PLEKHA4: variants seen among roughly 807,000 people sequenced by gnomAD.
PLEKHA4 encodes pleckstrin homology domain-containing family A member 4.
Under a neutral mutation model 94.7 loss-of-function variants are expected in PLEKHA4, and 73 were observed. The ratio of observed to expected loss-of-function variants is 0.77; its 90% confidence interval spans 0.64 to 0.94. PLEKHA4 has a LOEUF of 0.94. PLEKHA4 is among the 40% of genes least tolerant of loss of function. The pLI is 0.00. For missense variants in PLEKHA4, 1,049 were observed against 1,054.1 expected (o/e 1.00, Z 0.07); for synonymous variants, 449 against 437.1 (o/e 1.03, Z -0.34).
In PLEKHA4 at chr19:48,842,143, CTTTT is replaced by C. The variant is rs398059794; in HGVS notation, c.1744-837_1744-834del. On this transcript the variant is annotated intron_variant, in intron 16 of 19. Coordinates refer to ENST00000263265, the MANE Select transcript of PLEKHA4 (RefSeq NM_020904.3). ...TTACCCTATGTTGTTAATTTATTTT[CTTTT>C]TTTTTTTTTTTTTTTGAGACAGAGT... Among the ~76,000 whole-genome samples the C allele has an allele frequency of 7.4e-3, 894 of 121,408 alleles. 2 individuals carry two copies. The highest frequency in any genetic ancestry group is 0.025 in the Middle Eastern group (6 of 240). The allele number at this position is 121,408 out of a possible 152,430, so 79.6% of individuals were successfully genotyped here.
chr19:48,840,066 C>A (rs2035702636), intron 17 of PLEKHA4, among the ~76,000 whole-genome samples: 1 of 151,852 alleles, frequency 6.6e-6, no homozygotes, highest in South Asian at 2.1e-4. Context: ...CGAGATTCCA[C>A]CACTATACTC....
At chr19:48,860,699 G>GGGGAGACTGAGGCA (rs2036602132) in intron 5 of PLEKHA4, among the ~76,000 whole-genome samples, 1 of 151,708 alleles carries the variant, frequency 6.6e-6, no homozygotes, top group Non-Finnish European at 1.5e-5. Flanking sequence ...CCCAGCTACC[G>GGGGAGACTGAGGCA]GGGAGACTGA....
At chr19:48,844,172 C>A (rs1362034714) in intron 16 of PLEKHA4, among the ~76,000 whole-genome samples, 1 of 134,864 alleles carries the variant, frequency 7.4e-6, no homozygotes, top group South Asian at 2.3e-4. Flanking sequence ...TTATTATTTT[C>A]GAGACAGAGT....
In PLEKHA4 at chr19:48,837,906, G is replaced by A; in HGVS notation, c.2077+111C>T. ...CCCTGCCCAACTCTTTACTCACCAA[G>A]ATAAAAAATTCTCACCGGCCCCCAG... On this transcript the variant is annotated intron_variant, in intron 19 of 19. Transcript: ENST00000263265. This position sits in a 1 kb window ranked among gnomAD's most constrained non-coding sequence, Gnocchi z 4.3. The A allele has an allele frequency of 1.2e-6, 1 of 868,072 alleles. No homozygotes were observed. The highest frequency in any genetic ancestry group is 1.8e-6 in the Non-Finnish European group (1 of 546,960). The allele number at this position is 868,072 out of a possible 1,614,324, so 53.8% of individuals were successfully genotyped here. A position where few individuals can be genotyped will look rare whatever the true frequency, so the allele number is the denominator to read the frequency against.
rs775741917 is a variant in PLEKHA4, at chr19:48,841,172, G to C, written c.1882C>G (p.Arg628Gly). 6.2e-7 allele frequency: 1 copy of C among 1,611,358 alleles called. No individual in the cohort carries two copies. The highest frequency in any genetic ancestry group is 1.1e-5 in the South Asian group (1 of 90,366). Reference protein sequence around the residue: ...TLGRTLSPARRQPDVEQRPVV... With the variant: ...TLGRTLSPARGQPDVEQRPVV... Reference sequence around the variant, plus strand: ...ACCCTTTGCTCCACGTCAGGCTGGCGTCTGGCTGGGGACAGTGTCCTTCCC... The same window carrying C: ...ACCCTTTGCTCCACGTCAGGCTGGCCTCTGGCTGGGGACAGTGTCCTTCCC... The change falls in exon 17 of 20, where the codon CGC becomes GGC. Residue 628 changes from arginine to glycine, a missense_variant. Physicochemically the swap from Arg to Gly is moderately radical, Grantham distance 125 (BLOSUM62 -2). Coordinates refer to ENST00000263265, the MANE Select transcript of PLEKHA4 (RefSeq NM_020904.3).
chr19:48,848,033 A>C lies in PLEKHA4; in HGVS notation c.1433T>G (p.Val478Gly). ...CATCCACAGCTGCTGCTGAGCAGAC[A>C]CTCTGTCCTGCAGGGAGGAAAGGAA... is the stretch of plus-strand genomic sequence containing the variant. ...LLHLGSPQDRVSAQQQLWMVE... is the reference protein window; with the variant it reads ...LLHLGSPQDRGSAQQQLWMVE... The change falls in exon 14 of 20, where the codon GTG (valine) becomes GGG (glycine). Residue 478 changes from valine to glycine, a missense_variant. By Grantham distance (109) the Val-to-Gly change is moderately radical (BLOSUM62 -3). Transcript: ENST00000263265. 1 of 1,613,568 alleles carries C rather than the reference A, an allele frequency of 6.2e-7. No individual in the cohort carries two copies. Among genetic ancestry groups the C allele is most frequent in the Non-Finnish European group, 8.5e-7 (1 of 1,179,980 alleles).
intron 16 of PLEKHA4, among the ~76,000 whole-genome samples, chr19:48,843,485 CTT>C (rs879702341): frequency 7.1e-6 from 1 of 141,774 alleles, no homozygotes; most frequent in Non-Finnish European, 1.6e-5. Context: ...GGTCTTTTTT[CTT>C]TTTTTTTTTT....
In PLEKHA4 at chr19:48,857,508, G is replaced by T; in HGVS notation, c.973-12C>A. The T allele has an allele frequency of 1.3e-6, 2 of 1,510,366 alleles. No homozygotes were observed. The highest frequency in any genetic ancestry group is 1.8e-6 in the Non-Finnish European group (2 of 1,102,094). The allele number at this position is 1,510,366 out of a possible 1,614,324, so 93.6% of individuals were successfully genotyped here. ...GAGCCAGAGTGTGCCTGGGAGGAAC[G>T]TTGAAATGGAGATGTTTAGAAACTG... is the stretch of plus-strand genomic sequence containing the variant. On this transcript the variant is annotated splice_polypyrimidine_tract_variant and intron_variant, in intron 8 of 19. Coordinates refer to ENST00000263265, the MANE Select transcript of PLEKHA4 (RefSeq NM_020904.3).
At position 48,837,157 on chromosome 19, in the gene PLEKHA4, A is replaced by T; in HGVS notation, c.*132T>A. On this transcript the variant is annotated 3_prime_UTR_variant, in exon 20 of 20. Transcript: ENST00000263265. This position sits in a 1 kb window ranked among gnomAD's most constrained non-coding sequence, Gnocchi z 4.3. ...GTTGAGAAAACCAAACTTTGGCCATAGAAACCATTCCCCTCCCGGGCCCGC... is the reference window on the plus strand; with the variant it reads ...GTTGAGAAAACCAAACTTTGGCCATTGAAACCATTCCCCTCCCGGGCCCGC... 1.5e-6 allele frequency: 2 copies of T among 1,337,574 alleles called. No homozygotes were observed. The highest frequency in any genetic ancestry group is 1.2e-5 in the South Asian group (1 of 80,320). 82.9% of individuals were successfully genotyped at this position (1,337,574 alleles called of 1,614,324 possible).
chr19:48,860,788 G>A (rs1169726846), intron 5 of PLEKHA4, among the ~76,000 whole-genome samples: 3 of 146,864 alleles, frequency 2.0e-5, no homozygotes, highest in Non-Finnish European at 3.0e-5. Flanking sequence ...AAGGAAAGAG[G>A]GAAAGAGGGA....
Position 48,858,888 on chromosome 19 carries a change from TG to T in PLEKHA4, c.943del (p.Gln315SerfsTer54). The T allele has an allele frequency of 1.9e-6, 3 of 1,608,802 alleles. No individual in the cohort carries two copies. Among genetic ancestry groups the T allele is most frequent in the Non-Finnish European group, 2.5e-6 (3 of 1,178,544 alleles). ...TGTTCTGGGCTCCTGACTCCAGTGC[TG>T]GGGACTCCTGGGGGGCTTTCCTCCC... Reference protein sequence around the residue: ...AGGGKPPRSPQHWSQEPRTQA... With the variant: ...AGGGKPPRSPXHWSQEPRTQA... On this transcript the variant is annotated frameshift_variant, in exon 8 of 20. Coordinates refer to ENST00000263265, the MANE Select transcript of PLEKHA4 (RefSeq NM_020904.3). LOFTEE classifies it high-confidence loss of function.
In PLEKHA4 at chr19:48,867,391, T is replaced by C. The variant is rs609985; in HGVS notation, c.84+146A>G. 291,788 of 823,336 alleles carry C rather than the reference T, an allele frequency of 0.35. 58,812 individuals are homozygous for C. The highest frequency in any genetic ancestry group is 0.75 in the African/African-American group (43,544 of 58,354). The allele number at this position is 823,336 out of a possible 1,614,324, so 51.0% of individuals were successfully genotyped here. A position where few individuals can be genotyped will look rare whatever the true frequency, so the allele number is the denominator to read the frequency against. ...AGTGCCTCTGAATTCCTAGCTGCGG[T>C]GTGTAGGCAATTTGGGACCTTACTA... On this transcript the variant is annotated intron_variant, in intron 2 of 19. Coordinates refer to ENST00000263265, the MANE Select transcript of PLEKHA4 (RefSeq NM_020904.3). The surrounding 1 kb of genome is among the most constrained non-coding windows in gnomAD (Gnocchi z 4.7).
intron 16 of PLEKHA4, 173 bp downstream of exon 16, chr19:48,845,197 A>G: frequency 1.6e-6 from 1 of 643,254 alleles, no homozygotes; most frequent in Non-Finnish European, 2.7e-6. Flanking sequence ...ACTGACCCAA[A>G]GTCACACAGC....
At position 48,837,343 on chromosome 19, in the gene PLEKHA4, T is replaced by C. The variant is rs1381533860; in HGVS notation, c.2286A>G (p.Pro762=). Reference sequence around the variant, plus strand: ...GCAGAGGCCATGCCCCCTCGTCTTGTGGCAGGACCGGAGGGGCGATCCCGG... The same window carrying C: ...GCAGAGGCCATGCCCCCTCGTCTTGCGGCAGGACCGGAGGGGCGATCCCGG... The part of the protein sequence containing the change: ...WDAGIAPPVL[P]QDEGAWPLRV... The change falls in exon 20 of 20, where the codon CCA becomes CCG. Residue 762 remains proline, a synonymous_variant. Transcript: ENST00000263265. This position sits in a 1 kb window ranked among gnomAD's most constrained non-coding sequence, Gnocchi z 4.3. The C allele has an allele frequency of 6.2e-7, 1 of 1,613,800 alleles. No individual in the cohort carries two copies. The highest frequency in any genetic ancestry group is 8.5e-7 in the Non-Finnish European group (1 of 1,179,996).
chr19:48,859,431 T>C, intron 7 of PLEKHA4, 38 bp downstream of exon 7: 2 of 1,606,930 alleles, frequency 1.2e-6, no homozygotes, highest in Non-Finnish European at 1.7e-6. Flanking sequence ...CCTGCCCTTC[T>C]CTTAGGCCAC....
At chr19:48,858,576 G>A (rs1393201346) in intron 8 of PLEKHA4, among the ~76,000 whole-genome samples, 3 of 140,824 alleles carry the variant, frequency 2.1e-5, no homozygotes, top group Non-Finnish European at 3.0e-5. Flanking sequence ...GTAGTGAGCC[G>A]AGATCGTGCC....
At chr19:48,858,762 C>T in intron 8 of PLEKHA4, 98 bp downstream of exon 8, 1 of 1,345,082 alleles carries the variant, frequency 7.4e-7, no homozygotes, top group Non-Finnish European at 1.1e-6. Context: ...GACTACAATA[C>T]CCATGACACC....
chr19:48,838,183 G>C lies in PLEKHA4; in HGVS notation c.1965-54C>G. The C allele has an allele frequency of 1.1e-5, 11 of 1,039,034 alleles. No homozygotes were observed. In the South Asian group the frequency reaches 1.5e-4, roughly 14 times the overall value. The allele number at this position is 1,039,034 out of a possible 1,614,324, so 64.4% of individuals were successfully genotyped here. A position where few individuals can be genotyped will look rare whatever the true frequency, so the allele number is the denominator to read the frequency against. On this transcript the variant is annotated intron_variant, in intron 18 of 19. Transcript: ENST00000263265. ...GGGTGTGTACATGGGGGAGAGGTGG[G>C]GGATGGTTAATTGGTACAAAAAGAA...
At chr19:48,848,894 G>A (rs1006851504) in intron 13 of PLEKHA4, among the ~76,000 whole-genome samples, 2 of 151,972 alleles carry the variant, frequency 1.3e-5, no homozygotes, top group African/African-American at 2.4e-5. Context: ...GAATATGAGA[G>A]TCTGTTCTTT....
Sources: allele counts gnomAD v4.1 joint callset (sites outside exome capture counted in the v4.1 genomes callset), GRCh38; gene constraint gnomAD v4.1.1; non-coding constraint Gnocchi (gnomAD v3.1); transcripts MANE v1.5; gene names NCBI Gene and HGNC (gene_info 2026-07-23, HGNC 2026-07-21).